MEI4: variants seen among roughly 807,000 people sequenced by gnomAD.
MEI4 encodes the protein meiosis-specific protein MEI4.
Under a neutral mutation model 31.4 loss-of-function variants are expected in MEI4, and 27 were observed. That is an observed-to-expected ratio of 0.86 (90% confidence interval 0.63 to 1.19). The LOEUF (loss-of-function observed/expected upper bound fraction) is 1.19. Ranked by LOEUF, MEI4 falls within the 50% of genes most tolerant of loss-of-function variation. The pLI is 0.00. For synonymous variants in MEI4, 122 were observed against 145.4 expected, an observed-to-expected ratio of 0.84 and a Z score of 1.16; for missense variants, 329 against 398.9, an observed-to-expected ratio of 0.82 and a Z score of 1.49.
At chr6:77,748,771 A>G (rs1251305147) in intron 2 of MEI4, among the ~76,000 whole-genome samples, 1 of 152,200 alleles carries the variant, frequency 6.6e-6, no homozygotes, top group Non-Finnish European at 1.5e-5. Context: ...CACCTCTTGA[A>G]TGCTTTGCTG....
chr6:77,799,367 G>C (rs1299216574), intron 3 of MEI4, among the ~76,000 whole-genome samples: 3 of 151,948 alleles, frequency 2.0e-5, no homozygotes, highest in Admixed American at 1.3e-4. Flanking sequence ...AAATTTGTTT[G>C]AGTTCATTGT....
chr6:77,812,807 C>T (rs1479978099), intron 3 of MEI4, among the ~76,000 whole-genome samples: 3 of 152,028 alleles, frequency 2.0e-5, no homozygotes, highest in Non-Finnish European at 2.9e-5. Flanking sequence ...CCCAAAAGAC[C>T]ACCAGAAAAT....
intron 2 of MEI4, among the ~76,000 whole-genome samples, chr6:77,745,006 T>C (rs1767546236): frequency 1.3e-5 from 2 of 152,188 alleles, no homozygotes; most frequent in African/African-American, 4.8e-5. Flanking sequence ...TACCAGCCAC[T>C]GCAAAATCAT....
In MEI4 at chr6:77,761,203, T is replaced by C. The variant is rs965107988; in HGVS notation, c.306T>C (p.Ser102=). 2.9e-5 allele frequency: 36 copies of C among 1,232,224 alleles called. No homozygotes were observed. Among genetic ancestry groups the C allele is most frequent in the Non-Finnish European group, 3.5e-5 (35 of 987,996 alleles). The allele number at this position is 1,232,224 out of a possible 1,614,324, so 76.3% of individuals were successfully genotyped here. Residue 102 remains serine (S), a synonymous_variant, in exon 3 of 5, where the codon TCT becomes TCC. Coordinates refer to ENST00000684080, the MANE Select transcript of MEI4 (RefSeq NM_001322247.2). ...SESTLTSMED[S]GCDLSNEQRT... Reference sequence around the variant, plus strand: ...GTACATTAACTTCGATGGAAGATTCTGGATGTGATTTGTCGAATGAGCAGA... The same window carrying C: ...GTACATTAACTTCGATGGAAGATTCCGGATGTGATTTGTCGAATGAGCAGA...
At chr6:77,869,327 G>T (rs148701404) in intron 4 of MEI4, among the ~76,000 whole-genome samples, 2 of 152,214 alleles carry the variant, frequency 1.3e-5, no homozygotes, top group East Asian at 3.9e-4. Flanking sequence ...ATATGTCGAA[G>T]CCCTAATCCC....
chr6:77,656,555 G>C (rs1211736776), intron 1 of MEI4, among the ~76,000 whole-genome samples: 2 of 152,202 alleles, frequency 1.3e-5, no homozygotes, highest in East Asian at 3.9e-4. Context: ...ATGTTCCTAA[G>C]GGGAAGGATA....
chr6:77,880,038 T>C (rs934747552), intron 4 of MEI4, among the ~76,000 whole-genome samples: 2 of 152,224 alleles, frequency 1.3e-5, no homozygotes, highest in African/African-American at 4.8e-5. Context: ...GAAGCAGTAT[T>C]ACATGCAGAC....
intron 2 of MEI4, among the ~76,000 whole-genome samples, chr6:77,698,454 G>A (rs933361344): frequency 9.9e-5 from 15 of 152,094 alleles, no homozygotes; most frequent in Non-Finnish European, 1.5e-4. Context: ...CTCTTTTAGG[G>A]CAGGCCTGGT....
intron 3 of MEI4, among the ~76,000 whole-genome samples, chr6:77,763,559 G>T (rs1768093482): frequency 6.6e-6 from 1 of 152,124 alleles, no homozygotes; most frequent in African/African-American, 2.4e-5. Context: ...AGCAATGGTT[G>T]GCACAATGGC....
chr6:77,670,761 C>G (rs901366336), intron 1 of MEI4, among the ~76,000 whole-genome samples: 10 of 152,106 alleles, frequency 6.6e-5, no homozygotes, highest in African/African-American at 2.4e-4. Flanking sequence ...CAATCCCTTA[C>G]CTTTTCTCTT....
At chr6:77,654,535 T>A (rs1233477818) in intron 1 of MEI4, among the ~76,000 whole-genome samples, 1 of 71,892 alleles carries the variant, frequency 1.4e-5, no homozygotes, top group Non-Finnish European at 2.7e-5. Flanking sequence ...ATTGAATATG[T>A]TTAAAAAATT....
chr6:77,769,178 G>C (rs925409258), intron 3 of MEI4, among the ~76,000 whole-genome samples: 2 of 152,174 alleles, frequency 1.3e-5, no homozygotes, highest in Admixed American at 1.3e-4. Context: ...GGCACAGAAA[G>C]ATGATCTGTG....
chr6:77,875,845 G>A (rs1771321198), intron 4 of MEI4, among the ~76,000 whole-genome samples: 1 of 152,100 alleles, frequency 6.6e-6, no homozygotes, highest in Non-Finnish European at 1.5e-5. Flanking sequence ...TAGGACACAA[G>A]GAATTTATCA....
chr6:77,715,910 G>C (rs1396189573), intron 2 of MEI4, among the ~76,000 whole-genome samples: 2 of 151,954 alleles, frequency 1.3e-5, no homozygotes, highest in Admixed American at 1.3e-4. Context: ...CTATTTCTCG[G>C]TTGTCTGGTT....
intron 3 of MEI4, among the ~76,000 whole-genome samples, chr6:77,774,039 A>G (rs1352672766): frequency 6.6e-6 from 1 of 152,110 alleles, no homozygotes; most frequent in East Asian, 1.9e-4. Flanking sequence ...ATGTGGAGAA[A>G]AAAAGACCCT....
chr6:77,697,098 T>G (rs1230525781), intron 2 of MEI4, among the ~76,000 whole-genome samples: 4 of 152,160 alleles, frequency 2.6e-5, no homozygotes, highest in South Asian at 2.1e-4. Flanking sequence ...TATTTCTGTG[T>G]GATCGGTGGT....
At chr6:77,887,080 G>A (rs563920071) in intron 4 of MEI4, among the ~76,000 whole-genome samples, 2 of 151,634 alleles carry the variant, frequency 1.3e-5, no homozygotes, top group South Asian at 4.2e-4. Flanking sequence ...ACTTTTTGAG[G>A]TAAACATTTA....
At chr6:77,781,275 T>C (rs1340635003) in intron 3 of MEI4, among the ~76,000 whole-genome samples, 1 of 152,166 alleles carries the variant, frequency 6.6e-6, no homozygotes, top group Admixed American at 6.6e-5. Flanking sequence ...ACATGATAAT[T>C]AGGGATTGCT....
Position 77,883,745 on chromosome 6 carries a change from A to ATATATATATATATCTATCTAT in MEI4, c.901-39344_901-39343insTATATATATATATCTATCTAT, listed in dbSNP as rs55947073. ...ATATATATATATATATATATATATAACTTTGTCTTTGTCTATTCATTTATT... is the reference window on the plus strand; with the variant it reads ...ATATATATATATATATATATATATAATATATATATATATCTATCTATCTTTGTCTTTGTCTATTCATTTATT... On this transcript the variant is annotated intron_variant, in intron 4 of 4. Transcript: ENST00000684080. Among the ~76,000 whole-genome samples, 48 of 82,304 alleles carry ATATATATATATATCTATCTAT rather than the reference A, an allele frequency of 5.8e-4. 1 individual carries two copies. Among genetic ancestry groups the ATATATATATATATCTATCTAT allele is most frequent in the African/African-American group, 2.3e-3 (46 of 20,144 alleles). The allele number at this position is 82,304 out of a possible 152,430, so 54.0% of individuals were successfully genotyped here. A position where few individuals can be genotyped will look rare whatever the true frequency, so the allele number is the denominator to read the frequency against.
Sources: allele counts gnomAD v4.1 joint callset (sites outside exome capture counted in the v4.1 genomes callset), GRCh38; gene constraint gnomAD v4.1.1; transcripts MANE v1.5; gene names NCBI Gene and HGNC (gene_info 2026-07-23, HGNC 2026-07-21).